Variants in VPS33A observed in about 807,000 individuals in gnomAD.
VPS33A encodes VPS33A core subunit of CORVET and HOPS complexes.
In VPS33A, 32 loss-of-function variants were observed where a neutral mutation model predicts 71.8. The observed-to-expected ratio is 0.45, with a 90% confidence interval of 0.34 to 0.60. The LOEUF is 0.60. Among genes scored for constraint, VPS33A ranks in the 20% least tolerant of loss-of-function variants. The probability of loss-of-function intolerance (pLI) is 0.02; values close to 1 mark genes in which losing one functional copy is unlikely to be tolerated. For missense variants in VPS33A, 625 were observed against 748.5 expected (o/e 0.84, Z 1.92); for synonymous variants, 311 against 292.7 (o/e 1.06, Z -0.64).
At position 122,244,704 on chromosome 12, in the gene VPS33A, C is replaced by CT. The variant is rs1420844020; in HGVS notation, c.833dup (p.Asp279GlyfsTer20). 6.2e-7 allele frequency: 1 copy of CT among 1,614,054 alleles called. No individual in the cohort carries two copies. On this transcript the variant is annotated frameshift_variant, in exon 7 of 13. Coordinates refer to ENST00000267199, the MANE Select transcript of VPS33A (RefSeq NM_022916.6). LOFTEE classifies it high-confidence loss of function. ...GCTTCTTTGCTTCCGTGGGGAGGTCCTTACCACCATCGCCCTGTTTCTTAG... is the reference window on the plus strand; with the variant it reads ...GCTTCTTTGCTTCCGTGGGGAGGTCCTTTACCACCATCGCCCTGTTTCTTAG...
At position 122,261,696 on chromosome 12, in the gene VPS33A, C is replaced by A. The variant is rs781090989; in HGVS notation, c.297-249G>T. On this transcript the variant is annotated intron_variant, in intron 3 of 12. Coordinates refer to ENST00000267199, the MANE Select transcript of VPS33A (RefSeq NM_022916.6). The stretch of plus-strand genomic sequence containing the variant: ...CCAGTCTGGTCAAGGTGGCAAAACC[C>A]CGTCTCTATAAAATATACAAAAATG... 2.0e-4 allele frequency among the ~76,000 whole-genome samples: 31 copies of A among 151,858 alleles called. 1 individual carries two copies. The highest frequency in any genetic ancestry group is 8.5e-4 in the Admixed American group (13 of 15,228).
At chr12:122,239,787 C>CATGGG (rs376641287) in intron 9 of VPS33A, 91 bp downstream of exon 9, 2 of 441,156 alleles carry the variant, frequency 4.5e-6, no homozygotes, top group African/African-American at 4.9e-5. Flanking sequence ...AAAGGCAAGG[C>CATGGG]ATGGGAATCA....
At chr12:122,256,464 C>T (rs1157296863) in intron 4 of VPS33A, among the ~76,000 whole-genome samples, 1 of 151,918 alleles carries the variant, frequency 6.6e-6, no homozygotes, top group African/African-American at 2.4e-5. Context: ...ATCCCAGCTA[C>T]TCGGATAGCT....
At position 122,249,771 on chromosome 12, in the gene VPS33A, C is replaced by T. The variant is rs146612711; in HGVS notation, c.775+100G>A. The T allele has an allele frequency of 3.7e-5, 44 of 1,183,950 alleles. No individual in the cohort carries two copies. In the African/African-American group the frequency reaches 6.6e-4, roughly 18 times the overall value. 73.3% of individuals were successfully genotyped at this position (1,183,950 alleles called of 1,614,324 possible). A position where few individuals can be genotyped will look rare whatever the true frequency, so the allele number is the denominator to read the frequency against. On this transcript the variant is annotated intron_variant, in intron 6 of 12. Transcript: ENST00000267199. ...TGAATCATTAAAATCGGATCTCTGACTTTAAATTATGCTTAAGTGTGCAAT... is the reference window on the plus strand; with the variant it reads ...TGAATCATTAAAATCGGATCTCTGATTTTAAATTATGCTTAAGTGTGCAAT...
In VPS33A at chr12:122,244,484, A is replaced by G. The variant is rs1954751813; in HGVS notation, c.969+85T>C. The G allele has an allele frequency of 7.3e-6, 9 of 1,225,128 alleles. 1 individual carries two copies. The highest frequency in any genetic ancestry group is 3.0e-5 in the African/African-American group (2 of 67,132). The allele number at this position is 1,225,128 out of a possible 1,614,324, so 75.9% of individuals were successfully genotyped here. On this transcript the variant is annotated intron_variant, in intron 7 of 12. Transcript: ENST00000267199. ...CATTGAAGCCTGGTTTAATGGCTAC[A>G]TATTTTTGGAGCTCTTATTCCCCTC...
Position 122,261,399 on chromosome 12 carries a change from T to C in VPS33A, c.345A>G (p.Pro115=). ...GCTGTTCGCACAACAGGCTACGGCG[T>C]GGCACAAACAGAATATGAAAATCTC... is the stretch of plus-strand genomic sequence containing the variant. ...PTRDFHILFV[P]RRSLLCEQRL... Residue 115 remains proline, a synonymous_variant, in exon 4 of 13, where the codon CCA becomes CCG. Coordinates refer to ENST00000267199, the MANE Select transcript of VPS33A (RefSeq NM_022916.6). 2.5e-6 allele frequency: 4 copies of C among 1,613,886 alleles called. No homozygotes were observed. Among genetic ancestry groups the C allele is most frequent in the Non-Finnish European group, 3.4e-6 (4 of 1,179,956 alleles).
chr12:122,264,015 G>A (rs979619244), intron 2 of VPS33A, 119 bp downstream of exon 2: 8 of 905,502 alleles, frequency 8.8e-6, no homozygotes, highest in Non-Finnish European at 1.3e-5. Flanking sequence ...TAGTATTAGT[G>A]TTTATAAAGA....
chr12:122,232,508 A>G (rs903061882), intron 12 of VPS33A, 81 bp from the exon 13 acceptor site: 25 of 1,378,236 alleles, frequency 1.8e-5, no homozygotes, highest in African/African-American at 5.8e-5. Context: ...TTTATCATTC[A>G]TAAGAATAAA....
chr12:122,244,878 C>T, intron 6 of VPS33A, 116 bp from the exon 7 acceptor site: 5 of 965,062 alleles, frequency 5.2e-6, no homozygotes, highest in Non-Finnish European at 7.6e-6. Context: ...CGGCAAACGA[C>T]ACATAGCTCT....
Position 122,266,422 on chromosome 12 carries a change from C to G in VPS33A, c.-14G>C. ...ATGAGCCGCCATCTTGCTCCACCAC[C>G]CCCTGCCCCACAACGCCAACCGAGT... On this transcript the variant is annotated 5_prime_UTR_variant, in exon 1 of 13. Transcript: ENST00000267199. 6.2e-7 allele frequency: 1 copy of G among 1,605,098 alleles called. No individual in the cohort carries two copies. The highest frequency in any genetic ancestry group is 8.5e-7 in the Non-Finnish European group (1 of 1,173,574).
chr12:122,245,127 G>A (rs1243625116), intron 6 of VPS33A, among the ~76,000 whole-genome samples: 3 of 152,116 alleles, frequency 2.0e-5, no homozygotes, highest in African/African-American at 4.8e-5. Flanking sequence ...AATCAAGCTG[G>A]TGGGTTGCAA....
chr12:122,235,699 C>G, intron 11 of VPS33A, 87 bp downstream of exon 11: 1 of 1,460,818 alleles, frequency 6.8e-7, no homozygotes. Context: ...GAAAGCAAGG[C>G]AGATGTGTAG....
chr12:122,239,137 C>A (rs1566039568), intron 9 of VPS33A, among the ~76,000 whole-genome samples: 2 of 152,178 alleles, frequency 1.3e-5, no homozygotes, highest in African/African-American at 4.8e-5. Context: ...GAGAGGCTAC[C>A]AGATGTCTAC....
intron 4 of VPS33A, among the ~76,000 whole-genome samples, chr12:122,260,976 A>G (rs534522166): frequency 6.6e-6 from 1 of 152,386 alleles, no homozygotes; most frequent in South Asian, 2.1e-4. Context: ...CTCCGTCTCA[A>G]AAAAACAAAA....
chr12:122,232,840 A>G lies in VPS33A; in HGVS notation c.1569T>C (p.Phe523=). The G allele has an allele frequency of 6.2e-7, 1 of 1,614,002 alleles. No homozygotes were observed. Among genetic ancestry groups the G allele is most frequent in the East Asian group, 2.2e-5 (1 of 44,886 alleles). Residue 523 remains phenylalanine, a synonymous_variant, in exon 12 of 13, where the codon TTT becomes TTC. Coordinates refer to ENST00000267199, the MANE Select transcript of VPS33A (RefSeq NM_022916.6). The stretch of plus-strand genomic sequence containing the variant: ...CTGTGGGCAGTGGCTGCCGCTCCTC[A>G]AAGTGGGGCCCTGGGAGGATGCGGA... The part of the protein sequence containing the change: ...EVLRILPGPH[F]EERQPLPTGL...
rs1361143652 is a variant in VPS33A, at chr12:122,259,175, GTGTA to G, written c.483+2082_483+2085del. On this transcript the variant is annotated intron_variant, in intron 4 of 12. Transcript: ENST00000267199. ...ATTCTACTCCTAGGGGTGTGTGTGT[GTGTA>G]TGTATGTGTGTATGTATGTATGTAT... Among the ~76,000 whole-genome samples, 186 of 129,272 alleles carry G rather than the reference GTGTA, an allele frequency of 1.4e-3. 2 individuals are homozygous for G. Among genetic ancestry groups the G allele is most frequent in the African/African-American group, 5.1e-3 (174 of 34,202 alleles). The allele number at this position is 129,272 out of a possible 152,430, so 84.8% of individuals were successfully genotyped here. A position where few individuals can be genotyped will look rare whatever the true frequency, so the allele number is the denominator to read the frequency against.
intron 4 of VPS33A, among the ~76,000 whole-genome samples, chr12:122,258,391 G>A (rs1047117116): frequency 4.6e-5 from 7 of 152,024 alleles, no homozygotes; most frequent in South Asian, 2.1e-4. Context: ...TGCATCGAAC[G>A]ACACCAATCT....
chr12:122,239,117 A>T (rs369298821), intron 9 of VPS33A, among the ~76,000 whole-genome samples: 3 of 152,208 alleles, frequency 2.0e-5, no homozygotes, highest in African/African-American at 7.2e-5. Context: ...GTCTCTAAGG[A>T]CACGCTTCTG....
intron 4 of VPS33A, among the ~76,000 whole-genome samples, chr12:122,251,767 C>A (rs969493131): frequency 6.6e-5 from 10 of 151,684 alleles, no homozygotes; most frequent in African/African-American, 2.2e-4. Context: ...CACACCAGGG[C>A]CTGTCGTGGG....
Sources: gnomAD v4.1 joint callset for allele counts (sites outside exome capture counted in the v4.1 genomes callset) on GRCh38, gnomAD v4.1.1 for gene constraint, MANE v1.5 for transcripts, NCBI Gene and HGNC (gene_info 2026-07-23, HGNC 2026-07-21) for gene names.